The following IMMP2L variants were observed in gnomAD, a reference collection of about 807,000 sequenced individuals.
The protein encoded by IMMP2L is mitochondrial inner membrane protease subunit 2.
Under a neutral mutation model 19.3 loss-of-function variants are expected in IMMP2L, and 18 were observed. That is an observed-to-expected ratio of 0.93 (90% CI 0.64 to 1.38). The LOEUF (loss-of-function observed/expected upper bound fraction) is 1.38, where lower values mean the gene tolerates loss of function less well. Ranked by LOEUF, IMMP2L falls within the 40% of genes most tolerant of loss-of-function variation. The pLI is 0.00. For synonymous variants in IMMP2L, 76 were observed against 73.0 expected (o/e 1.04, Z -0.21); for missense variants, 233 against 218.2 (o/e 1.07, Z -0.43).
intron 3 of IMMP2L, among the ~76,000 whole-genome samples, chr7:111,434,909 G>A (rs1326529186): frequency 1.3e-5 from 2 of 151,820 alleles, no homozygotes; most frequent in African/African-American, 4.9e-5. Flanking sequence ...AGCCAGTCAT[G>A]ACACAAGGTG....
chr7:111,296,798 G>A (rs1821682725), intron 3 of IMMP2L, among the ~76,000 whole-genome samples: 1 of 151,818 alleles, frequency 6.6e-6, no homozygotes, highest in Admixed American at 6.6e-5. Flanking sequence ...GTCTTTTACT[G>A]GCTGAATGGT....
chr7:111,335,494 C>T (rs933164520), intron 3 of IMMP2L, among the ~76,000 whole-genome samples: 13 of 152,044 alleles, frequency 8.6e-5, no homozygotes, highest in East Asian at 1.9e-4. Flanking sequence ...AAGTTATCAA[C>T]GTGAAATTTA....
chr7:110,962,760 T>TGA, intron 4 of IMMP2L: 1 of 1,098,004 alleles, frequency 9.1e-7, no homozygotes, highest in Non-Finnish European at 1.1e-6. Flanking sequence ...TGTACTATCA[T>TGA]TAATACAAAT....
intron 3 of IMMP2L, among the ~76,000 whole-genome samples, chr7:111,113,822 G>A (rs891040360): frequency 2.0e-5 from 3 of 151,930 alleles, no homozygotes; most frequent in African/African-American, 4.8e-5. Flanking sequence ...GAAGATAAAA[G>A]GATGACATCA....
At chr7:110,993,624 T>C (rs924058098) in intron 3 of IMMP2L, among the ~76,000 whole-genome samples, 1 of 151,808 alleles carries the variant, frequency 6.6e-6, no homozygotes, top group Non-Finnish European at 1.5e-5. Flanking sequence ...CAAACCTCTA[T>C]TATTTAAAGT....
rs570197425 is a variant in IMMP2L, at chr7:111,204,000, C to T, written c.240-240435G>A. ...AACTGCTGAATGGACTCACAAATCA[C>T]TTATACTTTTAAAGTCTAACCATCC... On this transcript the variant is annotated intron_variant, in intron 3 of 5. Transcript: ENST00000405709. Among the ~76,000 whole-genome samples the T allele has an allele frequency of 9.9e-3, 1,505 of 152,218 alleles. 37 individuals carry two copies. Among genetic ancestry groups the T allele is most frequent in the African/African-American group, 0.035 (1,439 of 41,522 alleles).
At chr7:111,230,375 A>G (rs1469908490) in intron 3 of IMMP2L, among the ~76,000 whole-genome samples, 1 of 152,086 alleles carries the variant, frequency 6.6e-6, no homozygotes, top group Non-Finnish European at 1.5e-5. Flanking sequence ...TCACACAGGA[A>G]TTTGAGGAAT....
At chr7:110,914,511 T>C (rs1813382729) in intron 4 of IMMP2L, among the ~76,000 whole-genome samples, 1 of 152,198 alleles carries the variant, frequency 6.6e-6, no homozygotes, top group Admixed American at 6.5e-5. Context: ...CATTGTCTTG[T>C]CCTGTCTTAA....
At chr7:110,875,397 T>G (rs1808966139) in intron 5 of IMMP2L, among the ~76,000 whole-genome samples, 1 of 149,104 alleles carries the variant, frequency 6.7e-6, no homozygotes, top group Non-Finnish European at 1.5e-5. Context: ...TGTGTTTGTG[T>G]TTTTTTTGTG....
chr7:110,740,164 A>C (rs1045502019), intron 5 of IMMP2L, among the ~76,000 whole-genome samples: 1 of 152,230 alleles, frequency 6.6e-6, no homozygotes, highest in Non-Finnish European at 1.5e-5. Context: ...CTGTAGAAAC[A>C]AAAACAATCC....
intron 5 of IMMP2L, among the ~76,000 whole-genome samples, chr7:110,682,682 T>A (rs1792812450): frequency 6.6e-6 from 1 of 152,110 alleles, no homozygotes; most frequent in African/African-American, 2.4e-5. Flanking sequence ...TTTGTATTAT[T>A]GAATCTGAGA....
At chr7:111,023,482 C>G (rs759929959) in intron 3 of IMMP2L, among the ~76,000 whole-genome samples, 1 of 151,498 alleles carries the variant, frequency 6.6e-6, no homozygotes, top group Non-Finnish European at 1.5e-5. Flanking sequence ...GGGTGGATCA[C>G]CTGAGATCAG....
chr7:111,204,595 G>A (rs921193393), intron 3 of IMMP2L, among the ~76,000 whole-genome samples: 1 of 151,934 alleles, frequency 6.6e-6, no homozygotes, highest in Non-Finnish European at 1.5e-5. Flanking sequence ...TTGTGATTTT[G>A]AATAAAAATA....
chr7:111,403,981 C>A (rs772319713), intron 3 of IMMP2L, among the ~76,000 whole-genome samples: 15 of 152,076 alleles, frequency 9.9e-5, no homozygotes, highest in African/African-American at 2.7e-4. Context: ...AACCCCCCCA[C>A]AAACACATAT....
chr7:111,420,420 T>A lies in IMMP2L; in HGVS notation c.239+66818A>T, dbSNP rs1020754459. ...GGTACAGGTGAAACTTTCTTTTTTTTAAACTTCAAGTTCTAGGGTACATGT... is the reference window on the plus strand; with the variant it reads ...GGTACAGGTGAAACTTTCTTTTTTTAAAACTTCAAGTTCTAGGGTACATGT... On this transcript the variant is annotated intron_variant, in intron 3 of 5. Transcript: ENST00000405709. 1.3e-5 allele frequency among the ~76,000 whole-genome samples: 2 copies of A among 151,820 alleles called. 1 individual carries two copies. Among genetic ancestry groups the A allele is most frequent in the African/African-American group, 4.9e-5 (2 of 41,114 alleles).
intron 3 of IMMP2L, among the ~76,000 whole-genome samples, chr7:110,982,163 C>CA (rs1373852938): frequency 1.3e-5 from 2 of 152,090 alleles, no homozygotes; most frequent in Non-Finnish European, 2.9e-5. Context: ...TGAGGTAACA[C>CA]AGTGATTTTC....
chr7:110,769,250 G>A lies in IMMP2L; in HGVS notation c.409-105529C>T, dbSNP rs148090515. 1.2e-3 allele frequency among the ~76,000 whole-genome samples: 183 copies of A among 152,162 alleles called. 2 individuals are homozygous for A. The highest frequency in any genetic ancestry group is 4.3e-3 in the African/African-American group (177 of 41,496). On this transcript the variant is annotated intron_variant, in intron 5 of 5. Coordinates refer to ENST00000405709, the MANE Select transcript of IMMP2L (RefSeq NM_032549.4). ...TTCCTGGTCACTTCTTATACTTTAT[G>A]TCCAGCCTTTTTAGCTCTTAAACAT...
At chr7:110,821,340 A>G (rs537114128) in intron 5 of IMMP2L, among the ~76,000 whole-genome samples, 1 of 152,266 alleles carries the variant, frequency 6.6e-6, no homozygotes, top group African/African-American at 2.4e-5. Context: ...GTGTAACTAT[A>G]AACAGAGTCT....
At chr7:110,896,821 T>C (rs1179690898) in intron 4 of IMMP2L, among the ~76,000 whole-genome samples, 3 of 152,078 alleles carry the variant, frequency 2.0e-5, no homozygotes, top group Non-Finnish European at 2.9e-5. Flanking sequence ...GCTTTTTTTT[T>C]TTAGAGACAA....
Sources: allele counts gnomAD v4.1 joint callset (sites outside exome capture counted in the v4.1 genomes callset), GRCh38; gene constraint gnomAD v4.1.1; transcripts MANE v1.5; gene names NCBI Gene and HGNC (gene_info 2026-07-23, HGNC 2026-07-21).